The following CYB5A variants were observed in gnomAD, a reference collection of about 807,000 sequenced individuals.
CYB5A encodes the protein cytochrome b5.
A neutral mutation model predicts 16.2 loss-of-function variants in CYB5A; 10 were observed. The observed-to-expected ratio is 0.62, with a 90% CI of 0.38 to 1.04. The LOEUF is 1.04. Among genes scored for constraint, CYB5A ranks in the 50% least tolerant of loss-of-function variants. The pLI is 0.01. For synonymous variants in CYB5A, 62 were observed against 57.0 expected, an observed-to-expected ratio of 1.09 and a Z score of -0.40; for missense variants, 161 against 165.9, an observed-to-expected ratio of 0.97 and a Z score of 0.16.
chr18:74,260,960 A>T lies in CYB5A; in HGVS notation c.259-16T>A, dbSNP rs1219367226. The stretch of plus-strand genomic sequence containing the variant: ...GTCTGTCATCCTGCAATGAAAAGAT[A>T]AGGCACATTATGGAATTTAAAAATC... On this transcript the variant is annotated splice_polypyrimidine_tract_variant and intron_variant, in intron 2 of 4. Coordinates refer to ENST00000340533, the MANE Select transcript of CYB5A (RefSeq NM_148923.4). The T allele has an allele frequency of 6.2e-7, 1 of 1,607,300 alleles. No individual in the cohort carries two copies. Among genetic ancestry groups the T allele is most frequent in the Non-Finnish European group, 8.5e-7 (1 of 1,174,080 alleles).
At chr18:74,255,615 G>A (rs1426246217) in intron 4 of CYB5A, 126 bp downstream of exon 4, 5 of 807,742 alleles carry the variant, frequency 6.2e-6, no homozygotes, top group Non-Finnish European at 1.1e-5. Context: ...CTGGCCTTCA[G>A]CAGAAGGTTG....
At chr18:74,289,977 T>A (rs1321202733) in intron 1 of CYB5A, among the ~76,000 whole-genome samples, 1 of 152,074 alleles carries the variant, frequency 6.6e-6, no homozygotes, top group Non-Finnish European at 1.5e-5. Flanking sequence ...CTTCATAATA[T>A]AAAATATCCT....
At chr18:74,283,946 G>C (rs754780526) in intron 1 of CYB5A, among the ~76,000 whole-genome samples, 1 of 152,146 alleles carries the variant, frequency 6.6e-6, no homozygotes, top group Non-Finnish European at 1.5e-5. Flanking sequence ...AAGATTAAAA[G>C]CACAGGCCGG....
rs113356359 is a variant in CYB5A, at chr18:74,286,472, A to C, written c.129+5275T>G. On this transcript the variant is annotated intron_variant, in intron 1 of 4. Coordinates refer to ENST00000340533, the MANE Select transcript of CYB5A (RefSeq NM_148923.4). The stretch of plus-strand genomic sequence containing the variant: ...ACAATTTATTTTAAAATTTTAATTC[A>C]ATCAAAATATAGTCACTTAAATGCC... Among the ~76,000 whole-genome samples the C allele has an allele frequency of 6.9e-3, 1,049 of 152,362 alleles. 19 individuals are homozygous for C. The highest frequency in any genetic ancestry group is 0.024 in the African/African-American group (982 of 41,590).
chr18:74,275,952 C>T (rs1444008247), intron 1 of CYB5A, among the ~76,000 whole-genome samples: 2 of 152,158 alleles, frequency 1.3e-5, no homozygotes, highest in African/African-American at 2.4e-5. Context: ...CCAACACCAG[C>T]GCGGCACCGG....
At chr18:74,254,664 C>T (rs992291951) in intron 4 of CYB5A, among the ~76,000 whole-genome samples, 6 of 151,732 alleles carry the variant, frequency 4.0e-5, no homozygotes, top group Admixed American at 2.0e-4. Flanking sequence ...GAACTACAGG[C>T]GCCCGCCACC....
chr18:74,291,840 G>A lies in CYB5A; in HGVS notation c.36C>T (p.Tyr12=), dbSNP rs1051236. 250,380 of 1,613,590 alleles carry A rather than the reference G, an allele frequency of 0.16. 21,090 individuals carry two copies. Among genetic ancestry groups the A allele is most frequent in the Admixed American group, 0.22 (13,320 of 60,008 alleles). ...TGTGCTTCTGAATCTCCTCTAGGGT[G>A]TAGTACTTCACGGCCTCGTCCGACT... ...AEQSDEAVKY[Y]TLEEIQKHNH... The change falls in exon 1 of 5, where the codon TAC becomes TAT. Residue 12 remains tyrosine (Y), a synonymous_variant. Transcript: ENST00000340533.
At chr18:74,264,307 G>C (rs962034256) in intron 1 of CYB5A, among the ~76,000 whole-genome samples, 2 of 152,106 alleles carry the variant, frequency 1.3e-5, no homozygotes, top group African/African-American at 4.8e-5. Flanking sequence ...AAAAGCATGA[G>C]GCTCGTGTCC....
chr18:74,260,595 A>G (rs528444490), intron 3 of CYB5A: 202 of 402,942 alleles, frequency 5.0e-4, no homozygotes, highest in Middle Eastern at 8.0e-4. Context: ...CTCTGAAAAT[A>G]AGGCTTGTGT....
chr18:74,269,818 C>G (rs1194861031), intron 1 of CYB5A, among the ~76,000 whole-genome samples: 2 of 152,188 alleles, frequency 1.3e-5, no homozygotes, highest in African/African-American at 4.8e-5. Context: ...CTGAGCTGGT[C>G]TCCCATCCTC....
intron 1 of CYB5A, among the ~76,000 whole-genome samples, chr18:74,285,322 C>A (rs1983276895): frequency 6.6e-6 from 1 of 152,212 alleles, no homozygotes; most frequent in Admixed American, 6.5e-5. Flanking sequence ...CCTCCGGTCA[C>A]TTTTCTGATG....
chr18:74,276,009 G>C (rs903792448), intron 1 of CYB5A, among the ~76,000 whole-genome samples: 1 of 151,862 alleles, frequency 6.6e-6, no homozygotes, highest in Admixed American at 6.6e-5. Flanking sequence ...TCTCCCCCTC[G>C]ACCCAACACA....
intron 1 of CYB5A, among the ~76,000 whole-genome samples, chr18:74,284,761 C>T (rs1233982425): frequency 1.3e-5 from 2 of 152,200 alleles, no homozygotes; most frequent in African/African-American, 4.8e-5. Flanking sequence ...TCCCTCGCCC[C>T]CTCCAGAGCC....
chr18:74,276,653 C>T (rs1430062789), intron 1 of CYB5A, among the ~76,000 whole-genome samples: 1 of 151,996 alleles, frequency 6.6e-6, no homozygotes, highest in East Asian at 1.9e-4. Context: ...TGACAATCTG[C>T]AGCAGGTCAA....
intron 1 of CYB5A, among the ~76,000 whole-genome samples, chr18:74,287,363 C>T (rs1430487353): frequency 6.6e-6 from 1 of 152,132 alleles, no homozygotes; most frequent in Non-Finnish European, 1.5e-5. Context: ...CTATGTTTTT[C>T]AAAATTAAGG....
At chr18:74,276,265 A>G (rs112662272) in intron 1 of CYB5A, among the ~76,000 whole-genome samples, 1,543 of 152,260 alleles carry the variant, frequency 0.01, 6 homozygotes, top group South Asian at 0.037. Flanking sequence ...CTGATAGCTC[A>G]CGAGGGAGGT....
intron 2 of CYB5A, among the ~76,000 whole-genome samples, chr18:74,262,686 A>C (rs1264081790): frequency 2.0e-5 from 3 of 152,176 alleles, no homozygotes; most frequent in Non-Finnish European, 4.4e-5. Flanking sequence ...TGAAAGTAGA[A>C]GTGGGGTTCT....
chr18:74,268,565 GT>G (rs1291826367), intron 1 of CYB5A, among the ~76,000 whole-genome samples: 2 of 152,194 alleles, frequency 1.3e-5, no homozygotes, highest in African/African-American at 4.8e-5. Context: ...AGGCTTCAGA[GT>G]GGACAGCAGA....
chr18:74,262,542 C>T (rs575356178), intron 2 of CYB5A, among the ~76,000 whole-genome samples: 7 of 151,954 alleles, frequency 4.6e-5, no homozygotes, highest in South Asian at 4.2e-4. Context: ...CTGATATTCT[C>T]GAAGGTCTGG....
Sources: allele counts gnomAD v4.1 joint callset (sites outside exome capture counted in the v4.1 genomes callset), GRCh38; gene constraint gnomAD v4.1.1; transcripts MANE v1.5; gene names NCBI Gene and HGNC (gene_info 2026-07-23, HGNC 2026-07-21).